SMIM36: variants seen among roughly 807,000 people sequenced by gnomAD.
SMIM36 encodes the protein small integral membrane protein 36.
chr17:55,509,620 T>A (rs979155435), intron 1 of SMIM36, among the ~76,000 whole-genome samples: 2 of 152,178 alleles, frequency 1.3e-5, no homozygotes, highest in Non-Finnish European at 2.9e-5. Flanking sequence ...CTTCCTTCTG[T>A]TGGGCGGCAA....
At chr17:55,485,534 C>G (rs1432144494) in intron 1 of SMIM36, among the ~76,000 whole-genome samples, 1 of 151,988 alleles carries the variant, frequency 6.6e-6, no homozygotes, top group African/African-American at 2.4e-5. Context: ...ATTGTTCCCC[C>G]CACCTCGGCC....
intron 4 of SMIM36, among the ~76,000 whole-genome samples, chr17:55,455,363 C>A (rs1490297039): frequency 5.9e-5 from 9 of 151,704 alleles, no homozygotes; most frequent in Admixed American, 5.3e-4. Context: ...CCACCACCCC[C>A]ACGCTGCCCC....
At chr17:55,507,473 C>G (rs1421212250) in intron 1 of SMIM36, among the ~76,000 whole-genome samples, 1 of 103,084 alleles carries the variant, frequency 9.7e-6, no homozygotes, top group African/African-American at 4.1e-5. Flanking sequence ...TAAACTATCG[C>G]AAGAACAAAA....
chr17:55,489,170 G>C (rs1050502133), intron 1 of SMIM36, among the ~76,000 whole-genome samples: 8 of 152,170 alleles, frequency 5.3e-5, no homozygotes, highest in Admixed American at 2.6e-4. Flanking sequence ...CTGAGGTCAG[G>C]AGTTCAAGAC....
intron 4 of SMIM36, among the ~76,000 whole-genome samples, chr17:55,459,352 AT>A (rs1195461389): frequency 6.6e-6 from 1 of 152,128 alleles, no homozygotes; most frequent in African/African-American, 2.4e-5. Context: ...TAGGTCCTAG[AT>A]TTTTTTTGTT....
intron 3 of SMIM36, among the ~76,000 whole-genome samples, chr17:55,471,711 T>C (rs558187465): frequency 2.0e-5 from 3 of 152,322 alleles, no homozygotes; most frequent in African/African-American, 7.2e-5. Flanking sequence ...ACACTAGGAC[T>C]CCTTGACTCA....
At chr17:55,492,355 G>A (rs1484696709) in intron 1 of SMIM36, among the ~76,000 whole-genome samples, 1 of 145,050 alleles carries the variant, frequency 6.9e-6, no homozygotes, top group African/African-American at 2.5e-5. Flanking sequence ...CAATTCCCCT[G>A]CCTCAGCCTC....
intron 4 of SMIM36, among the ~76,000 whole-genome samples, chr17:55,454,945 A>G (rs1360294109): frequency 2.0e-5 from 3 of 152,166 alleles, no homozygotes; most frequent in Non-Finnish European, 4.4e-5. Flanking sequence ...GCATTAGGCA[A>G]TTTTGCATTA....
chr17:55,469,807 A>G (rs144504229), intron 3 of SMIM36, among the ~76,000 whole-genome samples: 89 of 152,200 alleles, frequency 5.8e-4, no homozygotes, highest in African/African-American at 1.7e-3. Context: ...GTGAAACCCC[A>G]TCTCCACTAA....
intron 4 of SMIM36, among the ~76,000 whole-genome samples, chr17:55,455,846 G>A (rs1309257735): frequency 2.6e-5 from 4 of 151,512 alleles, no homozygotes; most frequent in Non-Finnish European, 5.9e-5. Flanking sequence ...TGCTGGGTGC[G>A]GTGGCTCACA....
At chr17:55,511,356 G>C in exon 1 of SMIM36, 1 of 398,504 alleles carries the variant, frequency 2.5e-6, no homozygotes, top group Middle Eastern at 6.3e-4. Flanking sequence ...CGGTGGAGAA[G>C]TGGGTCTAGA....
chr17:55,483,603 C>G (rs558922885), intron 1 of SMIM36, among the ~76,000 whole-genome samples: 5 of 152,130 alleles, frequency 3.3e-5, no homozygotes, highest in Non-Finnish European at 7.4e-5. Context: ...TTCTAGTCTG[C>G]CTGCCTGCCC....
At chr17:55,510,147 A>G (rs1302489658) in intron 1 of SMIM36, among the ~76,000 whole-genome samples, 9 of 152,000 alleles carry the variant, frequency 5.9e-5, no homozygotes, top group Admixed American at 4.6e-4. Context: ...CAACTTAACC[A>G]TGGCCACACA....
At chr17:55,450,356 T>C (rs1006999674) in intron 4 of SMIM36, 58 bp from the exon 5 acceptor site, 5 of 152,246 alleles carry the variant, frequency 3.3e-5, no homozygotes, top group African/African-American at 1.2e-4. Context: ...GTGTGCTAAA[T>C]TGTTACAGCA....
chr17:55,490,214 A>G (rs1283920344), intron 1 of SMIM36, among the ~76,000 whole-genome samples: 2 of 152,108 alleles, frequency 1.3e-5, no homozygotes, highest in Non-Finnish European at 2.9e-5. Context: ...TAGTTGCATC[A>G]TCAAAAGCAT....
rs1323322694 is a variant in SMIM36 at position 55,504,272 on chromosome 17, AT to A, written c.*174+6606del. ...TCCACCCTAAATCAACAGAATATAC[AT>A]TTTTTTCAGCACCACACCACACCTA... On this transcript the variant is annotated intron_variant, in intron 1 of 4. Coordinates refer to ENST00000636752, the Ensembl canonical transcript of SMIM36. 2.7e-5 allele frequency among the ~76,000 whole-genome samples: 2 copies of A among 73,888 alleles called. 1 individual carries two copies. Among genetic ancestry groups the A allele is most frequent in the African/African-American group, 2.5e-4 (2 of 8,048 alleles). The allele number at this position is 73,888 out of a possible 152,430, so 48.5% of individuals were successfully genotyped here. A position where few individuals can be genotyped will look rare whatever the true frequency, so the allele number is the denominator to read the frequency against.
chr17:55,529,618 A>G, the SMIM36 span, among the ~76,000 whole-genome samples: 1 of 150,754 alleles, frequency 6.6e-6, no homozygotes, highest in Non-Finnish European at 1.5e-5. Context: ...ATACACACAC[A>G]CACACACACA....
chr17:55,472,415 A>T lies in SMIM36; in HGVS notation c.*348-5087T>A, dbSNP rs144360620. ...TATGCTTTCCACATCCTCCATAACC[A>T]TGCTGCCATCTGGGCTGAAAGAGGC... On this transcript the variant is annotated intron_variant, in intron 3 of 4. Coordinates refer to ENST00000636752, the Ensembl canonical transcript of SMIM36. Among the ~76,000 whole-genome samples the T allele has an allele frequency of 2.6e-3, 397 of 152,278 alleles. 2 individuals are homozygous for T. The highest frequency in any genetic ancestry group is 9.4e-3 in the African/African-American group (390 of 41,562).
At chr17:55,532,082 T>A in the SMIM36 span, among the ~76,000 whole-genome samples, 1 of 152,250 alleles carries the variant, frequency 6.6e-6, no homozygotes, top group Non-Finnish European at 1.5e-5. Context: ...AGAGTTTACA[T>A]GTCTTTATGC....
Sources: gnomAD v4.1 joint callset for allele counts (sites outside exome capture counted in the v4.1 genomes callset) on GRCh38, gnomAD v4.1.1 for gene constraint, MANE v1.5 for transcripts, NCBI Gene and HGNC (gene_info 2026-07-23, HGNC 2026-07-21) for gene names.